ASIC2: variants seen among roughly 807,000 people sequenced by gnomAD.
The protein encoded by ASIC2 is acid sensing ion channel subunit 2, also known as acid-sensing ion channel 2.
A neutral mutation model predicts 57.3 loss-of-function variants in ASIC2; 25 were observed. The observed-to-expected ratio is 0.44, with a 90% CI of 0.32 to 0.61. The LOEUF (loss-of-function observed/expected upper bound fraction) is 0.61. ASIC2 is among the 20% of genes least tolerant of loss of function. The pLI is 0.06. For missense variants in ASIC2, 641 were observed against 738.1 expected, an observed-to-expected ratio of 0.87 and a Z score of 1.52; for synonymous variants, 319 against 307.5, an observed-to-expected ratio of 1.04 and a Z score of -0.39.
intron 1 of ASIC2, among the ~76,000 whole-genome samples, chr17:33,706,554 A>G (rs1171148027): frequency 6.6e-6 from 1 of 152,094 alleles, no homozygotes; most frequent in East Asian, 1.9e-4. Flanking sequence ...ATTTATTACA[A>G]TGATATAAAT....
intron 4 of ASIC2, among the ~76,000 whole-genome samples, chr17:33,026,307 G>A (rs1363855636): frequency 6.6e-6 from 1 of 152,198 alleles, no homozygotes; most frequent in Non-Finnish European, 1.5e-5. Context: ...TGAGGATTGA[G>A]ACTAGGGAGG....
At chr17:33,320,667 C>T (rs986005274) in intron 1 of ASIC2, among the ~76,000 whole-genome samples, 3 of 152,158 alleles carry the variant, frequency 2.0e-5, no homozygotes, top group African/African-American at 4.8e-5. Context: ...ATTTGCTTTC[C>T]TATGTGGAAC....
At chr17:33,557,877 C>G (rs1915956654) in intron 1 of ASIC2, among the ~76,000 whole-genome samples, 1 of 152,214 alleles carries the variant, frequency 6.6e-6, no homozygotes, top group Non-Finnish European at 1.5e-5. Flanking sequence ...TCATCATTAT[C>G]TCTCACTTGA....
At chr17:33,449,118 T>A (rs1432979930) in intron 1 of ASIC2, among the ~76,000 whole-genome samples, 1 of 152,206 alleles carries the variant, frequency 6.6e-6, no homozygotes, top group Non-Finnish European at 1.5e-5. Context: ...TTCTCCTCCA[T>A]CCTGCCTGGC....
At chr17:33,632,491 A>G (rs1156640991) in intron 1 of ASIC2, among the ~76,000 whole-genome samples, 4 of 152,008 alleles carry the variant, frequency 2.6e-5, no homozygotes, top group Admixed American at 1.3e-4. Flanking sequence ...CAGTCAGAAG[A>G]TCGTACTCCA....
chr17:33,282,223 A>G (rs1296167511), intron 1 of ASIC2, among the ~76,000 whole-genome samples: 2 of 152,154 alleles, frequency 1.3e-5, no homozygotes, highest in Non-Finnish European at 2.9e-5. Flanking sequence ...CAAACAACAT[A>G]CATTTATTAC....
intron 1 of ASIC2, among the ~76,000 whole-genome samples, chr17:33,974,771 A>G (rs1905324803): frequency 1.3e-5 from 2 of 151,664 alleles, no homozygotes. Context: ...TGGATTGCCC[A>G]GTATCCATCC....
chr17:33,496,704 G>A (rs1025039391), intron 1 of ASIC2, among the ~76,000 whole-genome samples: 6 of 128,758 alleles, frequency 4.7e-5, no homozygotes, highest in Admixed American at 2.9e-4. Context: ...TGCAACCTCC[G>A]CCTCCTGGGT....
At chr17:33,438,461 T>C (rs1911705709) in intron 1 of ASIC2, among the ~76,000 whole-genome samples, 1 of 152,152 alleles carries the variant, frequency 6.6e-6, no homozygotes, top group African/African-American at 2.4e-5. Context: ...ACTTGCAAAT[T>C]TTCTTCTTTA....
At chr17:33,278,612 G>T (rs17248979) in intron 1 of ASIC2, among the ~76,000 whole-genome samples, 13,595 of 152,162 alleles carry the variant, frequency 0.089, 779 homozygotes, top group South Asian at 0.23. Flanking sequence ...GACTTGGAAA[G>T]CACAGATCTG....
At chr17:34,118,087 C>A (rs953345482) in intron 1 of ASIC2, among the ~76,000 whole-genome samples, 1 of 152,150 alleles carries the variant, frequency 6.6e-6, no homozygotes, top group Non-Finnish European at 1.5e-5. Flanking sequence ...GGTAGTTAAG[C>A]ATAGTGATTA....
chr17:33,251,521 T>A (rs1908881336), intron 1 of ASIC2, among the ~76,000 whole-genome samples: 1 of 152,016 alleles, frequency 6.6e-6, no homozygotes, highest in African/African-American at 2.4e-5. Flanking sequence ...GGAAACAGGG[T>A]CTTGCTATGT....
intron 1 of ASIC2, among the ~76,000 whole-genome samples, chr17:33,323,507 G>C (rs2142217845): frequency 6.6e-6 from 1 of 152,314 alleles, no homozygotes; most frequent in South Asian, 2.1e-4. Context: ...GAGGTCAGGA[G>C]TTCAAGACCA....
At chr17:33,881,086 A>G (rs1050688733) in intron 1 of ASIC2, among the ~76,000 whole-genome samples, 5 of 152,182 alleles carry the variant, frequency 3.3e-5, no homozygotes, top group African/African-American at 9.7e-5. Context: ...ACTCTCAATA[A>G]ATTAAGTATT....
chr17:33,275,459 A>G (rs1159741506), intron 1 of ASIC2, among the ~76,000 whole-genome samples: 4 of 152,228 alleles, frequency 2.6e-5, no homozygotes, highest in Admixed American at 2.0e-4. Context: ...ACAGGTATCA[A>G]TTAATGACTC....
At chr17:33,935,155 T>G (rs1916032344) in intron 1 of ASIC2, among the ~76,000 whole-genome samples, 1 of 152,216 alleles carries the variant, frequency 6.6e-6, no homozygotes. Context: ...TCTGTGCTCC[T>G]TTACACACAC....
intron 1 of ASIC2, among the ~76,000 whole-genome samples, chr17:33,548,533 A>G (rs1191589469): frequency 6.6e-6 from 1 of 152,206 alleles, no homozygotes; most frequent in Non-Finnish European, 1.5e-5. Context: ...CACACTGGCC[A>G]TGCATTGTAG....
At chr17:34,068,111 G>A (rs985943300) in intron 1 of ASIC2, among the ~76,000 whole-genome samples, 6 of 152,228 alleles carry the variant, frequency 3.9e-5, no homozygotes, top group Admixed American at 3.9e-4. Context: ...AGGTTACAGT[G>A]TTCTGAGTGA....
rs114859233 is a variant in ASIC2, at chr17:33,731,664, G to T, written c.555+424314C>A. ...CTTTGGGGGAAAGTTCCTGAGAAAG[G>T]CTGAGCTAACTGAAGGTCTTCAGAT... On this transcript the variant is annotated intron_variant, in intron 1 of 9. Transcript: ENST00000359872. Among the ~76,000 whole-genome samples the T allele has an allele frequency of 8.8e-3, 1,335 of 152,300 alleles. 16 individuals carry two copies. The highest frequency in any genetic ancestry group is 0.028 in the African/African-American group (1,177 of 41,540).
Sources: allele counts gnomAD v4.1 joint callset (sites outside exome capture counted in the v4.1 genomes callset), GRCh38; gene constraint gnomAD v4.1.1; transcripts MANE v1.5; gene names NCBI Gene and HGNC (gene_info 2026-07-23, HGNC 2026-07-21).